NSMCE2: variants seen among roughly 807,000 people sequenced by gnomAD.
NSMCE2 encodes the protein E3 SUMO-protein ligase NSE2.
In NSMCE2, 24 loss-of-function variants were observed where a neutral mutation model predicts 23.8. The ratio of observed to expected loss-of-function variants is 1.01; its 90% CI spans 0.73 to 1.42. The LOEUF (loss-of-function observed/expected upper bound fraction) is 1.42, where lower values mean the gene tolerates loss of function less well. Among genes scored for constraint, NSMCE2 ranks in the 40% most tolerant of loss-of-function variants. The probability of loss-of-function intolerance (pLI) is 0.00; values close to 1 mark genes in which losing one functional copy is unlikely to be tolerated. For missense variants in NSMCE2, 284 were observed against 296.5 expected (o/e 0.96, Z 0.31); for synonymous variants, 92 against 94.1 (o/e 0.98, Z 0.13).
chr8:125,309,010 C>T (rs772437529), intron 5 of NSMCE2, among the ~76,000 whole-genome samples: 4 of 152,040 alleles, frequency 2.6e-5, no homozygotes, highest in African/African-American at 4.8e-5. Flanking sequence ...TTTGGGAGGC[C>T]GAGGCGGGTG....
rs148629456 is a variant in NSMCE2, at chr8:125,314,932, A to C, written c.419-42287A>C. On this transcript the variant is annotated intron_variant, in intron 5 of 7. Coordinates refer to ENST00000287437, the MANE Select transcript of NSMCE2 (RefSeq NM_173685.4). ...GATGTTGGGTGGAATGGGAGCAACT[A>C]ATTCCAGCAAGGGAGGGTGGGGATC... Among the ~76,000 whole-genome samples, 596 of 152,302 alleles carry C rather than the reference A, an allele frequency of 3.9e-3. 14 individuals carry two copies. Among genetic ancestry groups the C allele is most frequent in the Admixed American group, 0.034 (519 of 15,294 alleles).
At chr8:125,173,282 C>T (rs1055276389) in intron 4 of NSMCE2, among the ~76,000 whole-genome samples, 5 of 152,060 alleles carry the variant, frequency 3.3e-5, no homozygotes, top group African/African-American at 1.2e-4. Flanking sequence ...GAACCAGAGT[C>T]GCAGTGATGG....
chr8:125,259,540 T>C (rs1445721084), intron 5 of NSMCE2, among the ~76,000 whole-genome samples: 4 of 151,990 alleles, frequency 2.6e-5, no homozygotes, highest in Non-Finnish European at 4.4e-5. Flanking sequence ...CACACCCCAG[T>C]CTGTGACAAA....
chr8:125,309,629 G>T (rs982426251), intron 5 of NSMCE2, among the ~76,000 whole-genome samples: 10 of 152,152 alleles, frequency 6.6e-5, no homozygotes, highest in African/African-American at 1.7e-4. Flanking sequence ...GGAGGCTGAG[G>T]CAGGAGGATT....
At chr8:125,237,995 C>T (rs753637937) in intron 5 of NSMCE2, among the ~76,000 whole-genome samples, 13 of 152,192 alleles carry the variant, frequency 8.5e-5, no homozygotes, top group Non-Finnish European at 1.9e-4. Flanking sequence ...GCAAATTCCA[C>T]ACCTGTATGG....
intron 5 of NSMCE2, among the ~76,000 whole-genome samples, chr8:125,216,634 CAAAA>C (rs35656783): frequency 7.7e-6 from 1 of 130,608 alleles, no homozygotes; most frequent in African/African-American, 2.7e-5. Flanking sequence ...GGCTGTGTGT[CAAAA>C]AAAAAAAAAA....
chr8:125,160,877 ATTTAC>A lies in NSMCE2; in HGVS notation c.264+9605_264+9609del, dbSNP rs891344887. 3.9e-5 allele frequency among the ~76,000 whole-genome samples: 6 copies of A among 152,254 alleles called. No individual in the cohort carries two copies. In the Middle Eastern group the frequency reaches 0.01, roughly 261 times the overall value. Reference sequence around the variant, plus strand: ...TTGCTTACATCTTTAAGTATTTTTTATTTACTTTATTAGTAACACTTATTTGAAAA... The same window carrying A: ...TTGCTTACATCTTTAAGTATTTTTTATTTATTAGTAACACTTATTTGAAAA... On this transcript the variant is annotated intron_variant, in intron 4 of 7. Coordinates refer to ENST00000287437, the MANE Select transcript of NSMCE2 (RefSeq NM_173685.4).
At chr8:125,250,925 A>T (rs570726650) in intron 5 of NSMCE2, among the ~76,000 whole-genome samples, 1 of 152,366 alleles carries the variant, frequency 6.6e-6, no homozygotes, top group South Asian at 2.1e-4. Context: ...ATTAACCTAC[A>T]TTCACTAAAT....
intron 5 of NSMCE2, among the ~76,000 whole-genome samples, chr8:125,217,671 C>A (rs1017217531): frequency 1.3e-5 from 2 of 152,110 alleles, no homozygotes; most frequent in African/African-American, 4.8e-5. Flanking sequence ...TGGCCCTGAT[C>A]ACTTTTTAAA....
At chr8:125,171,873 A>G (rs747992485) in intron 4 of NSMCE2, among the ~76,000 whole-genome samples, 16 of 152,222 alleles carry the variant, frequency 1.1e-4, no homozygotes, top group Non-Finnish European at 1.6e-4. Flanking sequence ...TGCTCTGTCC[A>G]GAGTGGTGTG....
chr8:125,252,013 G>C (rs919175607), intron 5 of NSMCE2, among the ~76,000 whole-genome samples: 2 of 152,192 alleles, frequency 1.3e-5, no homozygotes, highest in African/African-American at 4.8e-5. Context: ...AATATGGTCT[G>C]GAGTCTGAGG....
At chr8:125,144,306 T>C (rs1210443412) in intron 3 of NSMCE2, among the ~76,000 whole-genome samples, 1 of 152,220 alleles carries the variant, frequency 6.6e-6, no homozygotes, top group African/African-American at 2.4e-5. Context: ...TCTGTCCCTT[T>C]CTTGCAGAAC....
chr8:125,196,204 T>TC (rs1195176842), intron 5 of NSMCE2, among the ~76,000 whole-genome samples: 9 of 127,884 alleles, frequency 7.0e-5, no homozygotes, highest in Non-Finnish European at 1.3e-4. Context: ...TTTTTTTTTC[T>TC]TTTTTTTTTT....
chr8:125,105,368 C>A (rs1326669110), intron 3 of NSMCE2, among the ~76,000 whole-genome samples: 4 of 151,978 alleles, frequency 2.6e-5, no homozygotes, highest in Non-Finnish European at 4.4e-5. Context: ...AAATCTTAAA[C>A]CATAAGAGAG....
Position 125,234,812 on chromosome 8 carries a change from A to T in NSMCE2, c.418+52556A>T, listed in dbSNP as rs76436464. On this transcript the variant is annotated intron_variant, in intron 5 of 7. Coordinates refer to ENST00000287437, the MANE Select transcript of NSMCE2 (RefSeq NM_173685.4). Reference sequence around the variant, plus strand: ...CCAGCTTCCTTATGGCCCTCTTCAGATACCATTTTTATTTCTTCCCAAAGG... The same window carrying T: ...CCAGCTTCCTTATGGCCCTCTTCAGTTACCATTTTTATTTCTTCCCAAAGG... 7.0e-3 allele frequency among the ~76,000 whole-genome samples: 1,059 copies of T among 152,088 alleles called. 11 individuals are homozygous for T. The highest frequency in any genetic ancestry group is 0.017 in the Middle Eastern group (5 of 294).
At chr8:125,195,688 G>C (rs1823579470) in intron 5 of NSMCE2, among the ~76,000 whole-genome samples, 1 of 151,888 alleles carries the variant, frequency 6.6e-6, no homozygotes, top group Non-Finnish European at 1.5e-5. Flanking sequence ...TTACATTCTG[G>C]CACTGACCAT....
At chr8:125,155,103 A>G (rs1255100409) in intron 4 of NSMCE2, among the ~76,000 whole-genome samples, 1 of 152,244 alleles carries the variant, frequency 6.6e-6, no homozygotes, top group Non-Finnish European at 1.5e-5. Flanking sequence ...ACCTCAGGAT[A>G]TGCGAAGTCC....
intron 5 of NSMCE2, among the ~76,000 whole-genome samples, chr8:125,203,701 T>C (rs746981221): frequency 6.6e-6 from 1 of 152,162 alleles, no homozygotes; most frequent in Non-Finnish European, 1.5e-5. Context: ...AAGTAATTGA[T>C]GTCTTGGAGG....
intron 5 of NSMCE2, among the ~76,000 whole-genome samples, chr8:125,226,954 C>G (rs999349590): frequency 7.2e-5 from 11 of 152,080 alleles, no homozygotes; most frequent in Non-Finnish European, 1.5e-4. Flanking sequence ...ACCCCTATCT[C>G]CACCCACCAG....
Sources: gnomAD v4.1 joint callset for allele counts (sites outside exome capture counted in the v4.1 genomes callset) on GRCh38, gnomAD v4.1.1 for gene constraint, MANE v1.5 for transcripts, NCBI Gene and HGNC (gene_info 2026-07-23, HGNC 2026-07-21) for gene names.